The following UGT1A3 variants were observed in gnomAD, a reference collection of about 807,000 sequenced individuals.
UGT1A3 encodes the protein UDP glucuronosyltransferase family 1 member A3.
UGT1A3 carries 31 observed loss-of-function variants against 41.0 expected under a neutral mutation model. The observed-to-expected ratio is 0.76, with a 90% CI of 0.57 to 1.02. The LOEUF (loss-of-function observed/expected upper bound fraction) is 1.02. Ranked by LOEUF, UGT1A3 falls within the 50% of genes least tolerant of loss-of-function variation. UGT1A3 has a pLI of 0.00. For synonymous variants in UGT1A3, 262 were observed against 257.6 expected (o/e 1.02, Z -0.17); for missense variants, 737 against 671.0 (o/e 1.10, Z -1.09).
intron 4 of UGT1A3, among the ~76,000 whole-genome samples, chr2:233,772,038 A>G (rs892272267): frequency 1.3e-5 from 2 of 152,202 alleles, no homozygotes; most frequent in African/African-American, 4.8e-5. Flanking sequence ...GCTTGAGCCC[A>G]GGAGTTGGAG....
In UGT1A3 at chr2:233,743,171, T is replaced by G. The variant is rs182109098; in HGVS notation, c.867+13178T>G. The G allele has an allele frequency of 7.8e-4, 286 of 364,898 alleles. 2 individuals are homozygous for G. Among genetic ancestry groups the G allele is most frequent in the East Asian group, 3.6e-3 (49 of 13,664 alleles). 22.6% of individuals were successfully genotyped at this position (364,898 alleles called of 1,614,324 possible). A position where few individuals can be genotyped will look rare whatever the true frequency, so the allele number is the denominator to read the frequency against. ...GCTATTCCTCCAGATGTGCTTAAAG[T>G]CAAATGTGGACTGGAATTACTTGGT... On this transcript the variant is annotated intron_variant, in intron 1 of 4. Coordinates refer to ENST00000482026, the MANE Select transcript of UGT1A3 (RefSeq NM_019093.4).
intron 1 of UGT1A3, among the ~76,000 whole-genome samples, chr2:233,750,063 C>T (rs556183809): frequency 6.6e-6 from 1 of 151,926 alleles, no homozygotes; most frequent in South Asian, 2.1e-4. Flanking sequence ...GACTTTGGAA[C>T]TGGGTAACAG....
At chr2:233,766,701 C>T (rs1699231181) in intron 1 of UGT1A3, among the ~76,000 whole-genome samples, 1 of 152,122 alleles carries the variant, frequency 6.6e-6, no homozygotes, top group Admixed American at 6.5e-5. Flanking sequence ...ATGCCTTGCT[C>T]TGTGTTCTCT....
At position 233,769,585 on chromosome 2, in the gene UGT1A3, G is replaced by A; in HGVS notation, c.1307+1146G>A. On this transcript the variant is annotated intron_variant, in intron 4 of 4. Transcript: ENST00000482026. This position sits in a 1 kb window ranked among gnomAD's most constrained non-coding sequence, Gnocchi z 4.4. ...GAAGAGCTGGAGCATGTTCAGATGA[G>A]AGGAGACGGAACACGGGGACACACC... is the stretch of plus-strand genomic sequence containing the variant. 1.2e-6 allele frequency: 2 copies of A among 1,612,920 alleles called. No individual in the cohort carries two copies. Among genetic ancestry groups the A allele is most frequent in the Non-Finnish European group, 1.7e-6 (2 of 1,179,890 alleles).
At chr2:233,762,380 T>C (rs1370857903) in intron 1 of UGT1A3, among the ~76,000 whole-genome samples, 1 of 152,256 alleles carries the variant, frequency 6.6e-6, no homozygotes, top group Non-Finnish European at 1.5e-5. Context: ...AATATGTATA[T>C]AGAAACATAT....
chr2:233,766,278 C>CGGGCTCGGTGGCCT (rs201295078), intron 1 of UGT1A3, among the ~76,000 whole-genome samples: 1 of 116,250 alleles, frequency 8.6e-6, no homozygotes, highest in East Asian at 2.1e-4. Flanking sequence ...CTCGGTGGCC[C>CGGGCTCGGTGGCCT]GGGCTCGGTG....
chr2:233,760,196 A>G, intron 1 of UGT1A3: 1 of 1,576,328 alleles, frequency 6.3e-7, no homozygotes, highest in Middle Eastern at 2.3e-4. Flanking sequence ...CACGTGACAC[A>G]GTCAAACATT....
chr2:233,747,877 A>G, intron 1 of UGT1A3: 2 of 1,613,450 alleles, frequency 1.2e-6, no homozygotes, highest in Non-Finnish European at 1.7e-6. Context: ...GCCCTGTCCT[A>G]CCTTTGCCAT....
chr2:233,762,171 C>T (rs564011835), intron 1 of UGT1A3, among the ~76,000 whole-genome samples: 29 of 152,266 alleles, frequency 1.9e-4, no homozygotes, highest in African/African-American at 6.5e-4. Flanking sequence ...CTGTATGCGG[C>T]GTCCTCAACA....
At chr2:233,758,786 G>A (rs1696976610) in intron 1 of UGT1A3, among the ~76,000 whole-genome samples, 1 of 152,212 alleles carries the variant, frequency 6.6e-6, no homozygotes, top group African/African-American at 2.4e-5. Flanking sequence ...GATCTGTGCA[G>A]TTATCTTGGA....
At chr2:233,758,431 A>C (rs1696879671) in intron 1 of UGT1A3, among the ~76,000 whole-genome samples, 1 of 152,228 alleles carries the variant, frequency 6.6e-6, no homozygotes, top group Admixed American at 6.5e-5. Context: ...ATGAACTCAC[A>C]CAGCATTGGG....
chr2:233,743,704 C>G, intron 1 of UGT1A3: 2 of 1,367,360 alleles, frequency 1.5e-6, no homozygotes, highest in Non-Finnish European at 2.0e-6. Context: ...CCTCCGCCCC[C>G]GCCTCGCCAT....
chr2:233,771,755 C>T (rs1253888254), intron 4 of UGT1A3: 1 of 153,306 alleles, frequency 6.5e-6, no homozygotes, highest in South Asian at 2.1e-4. Flanking sequence ...TTTCTCCCTT[C>T]CTTCCTCCGT....
chr2:233,760,123 C>T, intron 1 of UGT1A3: 1 of 1,299,838 alleles, frequency 7.7e-7, no homozygotes, highest in East Asian at 2.5e-5. Context: ...AATAAAGCTC[C>T]ACCTTCTTTA....
rs146693320 is a variant in UGT1A3 at position 233,769,441 on chromosome 2, G to A, written c.1307+1002G>A. On this transcript the variant is annotated intron_variant, in intron 4 of 4. Transcript: ENST00000482026. The surrounding 1 kb of genome is among the most constrained non-coding windows in gnomAD (Gnocchi z 4.4). The stretch of plus-strand genomic sequence containing the variant: ...TGCATGTGGCTGTGCTCATGTGTGG[G>A]TGCACACGTGTGCATTCATATGCGT... 108 of 1,546,728 alleles carry A rather than the reference G, an allele frequency of 7.0e-5. No individual in the cohort carries two copies. Among genetic ancestry groups the A allele is most frequent in the Non-Finnish European group, 9.1e-5 (102 of 1,123,582 alleles).
chr2:233,747,072 T>C (rs1174138764), intron 1 of UGT1A3: 1 of 1,024,362 alleles, frequency 9.8e-7, no homozygotes, highest in African/African-American at 1.6e-5. Context: ...TCGGTAATAA[T>C]TAACTAGGAG....
In UGT1A3 at chr2:233,754,989, C is replaced by G. The variant is rs749655557; in HGVS notation, c.868-12045C>G. On this transcript the variant is annotated intron_variant, in intron 1 of 4. Coordinates refer to ENST00000482026, the MANE Select transcript of UGT1A3 (RefSeq NM_019093.4). ...CTCCCTGAAGACCTCGGCGGGGTCACGGAAGCTGAAGACCTACTCGAAGGG... is the reference window on the plus strand; with the variant it reads ...CTCCCTGAAGACCTCGGCGGGGTCAGGGAAGCTGAAGACCTACTCGAAGGG... 2.3e-6 allele frequency: 3 copies of G among 1,296,678 alleles called. No individual in the cohort carries two copies. The South Asian group carries it at 3.5e-5, about 15-fold the overall frequency. The allele number at this position is 1,296,678 out of a possible 1,614,324, so 80.3% of individuals were successfully genotyped here. A position where few individuals can be genotyped will look rare whatever the true frequency, so the allele number is the denominator to read the frequency against.
At chr2:233,756,596 T>C (rs985647767) in intron 1 of UGT1A3, among the ~76,000 whole-genome samples, 4 of 152,230 alleles carry the variant, frequency 2.6e-5, no homozygotes, top group African/African-American at 7.2e-5. Context: ...CTATTTACTG[T>C]ATCGAAACCA....
chr2:233,746,306 G>A (rs1693354657), intron 1 of UGT1A3, among the ~76,000 whole-genome samples: 2 of 151,750 alleles, frequency 1.3e-5, no homozygotes, highest in Admixed American at 6.5e-5. Flanking sequence ...TTCCCTTGGA[G>A]GGCCCTGTAG....
Sources: allele counts gnomAD v4.1 joint callset (sites outside exome capture counted in the v4.1 genomes callset), GRCh38; gene constraint gnomAD v4.1.1; non-coding constraint Gnocchi (gnomAD v3.1); transcripts MANE v1.5; gene names NCBI Gene and HGNC (gene_info 2026-07-23, HGNC 2026-07-21).